Variants in TAF3 observed in about 807,000 individuals in gnomAD.
TAF3 encodes the protein transcription initiation factor TFIID subunit 3.
Under a neutral mutation model 80.6 loss-of-function variants are expected in TAF3, and 7 were observed. The ratio of observed to expected loss-of-function variants is 0.09; its 90% CI spans 0.05 to 0.16. TAF3 has a LOEUF of 0.16. Ranked by LOEUF, TAF3 falls within the 10% of genes least tolerant of loss-of-function variation. The pLI, the probability that TAF3 is intolerant of heterozygous loss-of-function variation, is 1.00. For missense variants in TAF3, 921 were observed against 1,140.2 expected (o/e 0.81, Z 2.77); for synonymous variants, 444 against 446.1 (o/e 1.00, Z 0.06).
chr10:7,842,180 T>G (rs1265782235), intron 2 of TAF3, among the ~76,000 whole-genome samples: 2 of 125,078 alleles, frequency 1.6e-5, no homozygotes, highest in Non-Finnish European at 3.4e-5. Context: ...TTTTTTGTTT[T>G]TTTTTTTTTT....
intron 2 of TAF3, among the ~76,000 whole-genome samples, chr10:7,887,257 G>GAAAT (rs1304963901): frequency 6.6e-6 from 1 of 150,638 alleles, no homozygotes; most frequent in Non-Finnish European, 1.5e-5. Context: ...AAGAAAGAAA[G>GAAAT]CTGGTTAAGG....
intron 2 of TAF3, among the ~76,000 whole-genome samples, chr10:7,879,849 A>G (rs1014212682): frequency 4.6e-5 from 7 of 152,230 alleles, no homozygotes; most frequent in Non-Finnish European, 4.4e-5. Context: ...GATTTTTAAC[A>G]TTCAGTATTC....
chr10:7,935,562 T>C (rs769857864), intron 2 of TAF3, among the ~76,000 whole-genome samples: 12 of 151,736 alleles, frequency 7.9e-5, no homozygotes, highest in South Asian at 2.1e-4. Flanking sequence ...CCAGCCTGAG[T>C]GACAGAGAGA....
At chr10:7,985,588 A>G (rs1335633912) in intron 4 of TAF3, among the ~76,000 whole-genome samples, 2 of 152,160 alleles carry the variant, frequency 1.3e-5, no homozygotes, top group Non-Finnish European at 2.9e-5. Flanking sequence ...TTTCTGCCCT[A>G]GAAACTTTTC....
At chr10:7,956,031 C>CT in intron 2 of TAF3, among the ~76,000 whole-genome samples, 1 of 152,200 alleles carries the variant, frequency 6.6e-6, no homozygotes, top group Admixed American at 6.5e-5. Context: ...ATGTCTACAA[C>CT]TTATTCTCAA....
chr10:7,889,432 G>A (rs1454078301), intron 2 of TAF3, among the ~76,000 whole-genome samples: 1 of 152,170 alleles, frequency 6.6e-6, no homozygotes, highest in Non-Finnish European at 1.5e-5. Context: ...ATTCACATCT[G>A]TCTGTTACAG....
chr10:7,979,914 T>A (rs566710908), intron 4 of TAF3, among the ~76,000 whole-genome samples: 1,660 of 152,250 alleles, frequency 0.011, 20 homozygotes, highest in Middle Eastern at 0.031. Context: ...AAGTTAAGAA[T>A]GTGTTTTATA....
Position 7,824,350 on chromosome 10 carries a change from G to C in TAF3, c.199G>C (p.Gly67Arg). ...AACAGACCCAATTTTGGATGATGTT[G>C]GTGAAGCTTTCCAGCTGATGGGGGT... ...GRTDPILDDV[G>R]EAFQLMGVSL... Residue 67 changes from glycine (G) to arginine (R), a missense_variant, in exon 2 of 7, where the codon GGT becomes CGT. Gly to Arg is a moderately radical substitution (Grantham distance 125). Transcript: ENST00000344293. The C allele has an allele frequency of 3.1e-6, 5 of 1,613,968 alleles. No homozygotes were observed. Among genetic ancestry groups the C allele is most frequent in the Non-Finnish European group, 4.2e-6 (5 of 1,179,898 alleles).
intron 2 of TAF3, among the ~76,000 whole-genome samples, chr10:7,949,882 G>A (rs1239868626): frequency 6.6e-6 from 1 of 152,210 alleles, no homozygotes; most frequent in Non-Finnish European, 1.5e-5. Context: ...CCATCGGCAG[G>A]CAGTGACTGC....
At chr10:7,833,008 A>G (rs942827056) in intron 2 of TAF3, among the ~76,000 whole-genome samples, 8 of 152,206 alleles carry the variant, frequency 5.3e-5, no homozygotes, top group African/African-American at 1.9e-4. Context: ...TAAAATGTTC[A>G]ATAAATTATT....
intron 4 of TAF3, among the ~76,000 whole-genome samples, chr10:7,993,396 C>T (rs1023216349): frequency 6.6e-6 from 1 of 152,164 alleles, no homozygotes; most frequent in Non-Finnish European, 1.5e-5. Context: ...CCAGGATGGT[C>T]TCAAACTCCT....
chr10:7,821,209 C>T (rs533790993), intron 1 of TAF3, among the ~76,000 whole-genome samples: 10 of 80,878 alleles, frequency 1.2e-4, no homozygotes, highest in African/African-American at 4.4e-4. Context: ...ATTATTCCCA[C>T]GTAATTTGGT....
Position 7,964,671 on chromosome 10 carries a change from T to A in TAF3, c.1161T>A (p.Ile387=). 6.2e-7 allele frequency: 1 copy of A among 1,614,158 alleles called. No homozygotes were observed. The highest frequency in any genetic ancestry group is 8.5e-7 in the Non-Finnish European group (1 of 1,180,024). The change falls in exon 3 of 7, where the codon ATT becomes ATA. Residue 387 remains isoleucine, a synonymous_variant. Coordinates refer to ENST00000344293, the MANE Select transcript of TAF3 (RefSeq NM_031923.4). The surrounding 1 kb of genome is among the most constrained non-coding windows in gnomAD (Gnocchi z 4.1). ...PKKAVVADKT[I]EASIDAVIAR... Reference sequence around the variant, plus strand: ...AGGCTGTGGTAGCAGATAAAACGATTGAGGCCTCTATCGATGCTGTGATTG... The same window carrying A: ...AGGCTGTGGTAGCAGATAAAACGATAGAGGCCTCTATCGATGCTGTGATTG...
rs1052470559 is a variant in TAF3 at position 8,014,906 on chromosome 10, G to C, written c.*155G>C. The C allele has an allele frequency of 3.3e-5, 21 of 633,362 alleles. No homozygotes were observed. 39.2% of individuals were successfully genotyped at this position (633,362 alleles called of 1,614,324 possible). ...TGAGGCTGGAACACACCGCGCACCTGGATTGTTCACTCCCGAGCCGCCTTG... is the reference window on the plus strand; with the variant it reads ...TGAGGCTGGAACACACCGCGCACCTCGATTGTTCACTCCCGAGCCGCCTTG... On this transcript the variant is annotated 3_prime_UTR_variant, in exon 7 of 7. Coordinates refer to ENST00000344293, the MANE Select transcript of TAF3 (RefSeq NM_031923.4).
intron 2 of TAF3, among the ~76,000 whole-genome samples, chr10:7,920,169 C>T (rs1349584419): frequency 6.6e-6 from 1 of 152,032 alleles, no homozygotes; most frequent in African/African-American, 2.4e-5. Context: ...GGGAGGATCT[C>T]TTGAGTGCAG....
chr10:7,820,850 A>G (rs1188752723), intron 1 of TAF3, among the ~76,000 whole-genome samples: 1 of 152,192 alleles, frequency 6.6e-6, no homozygotes, highest in East Asian at 1.9e-4. Context: ...TTTTATCTTG[A>G]AAGTACATCA....
chr10:7,922,377 G>A lies in TAF3; in HGVS notation c.410-41543G>A, dbSNP rs149823650. 1.8e-4 allele frequency among the ~76,000 whole-genome samples: 28 copies of A among 152,138 alleles called. 1 individual carries two copies. The highest frequency in any genetic ancestry group is 5.1e-4 in the African/African-American group (21 of 41,548). ...CTTGTGGGACTTTTCCATTGTGAAT[G>A]TTGTACTGTCTTAATCTCATTCCTC... On this transcript the variant is annotated intron_variant, in intron 2 of 6. Coordinates refer to ENST00000344293, the MANE Select transcript of TAF3 (RefSeq NM_031923.4).
intron 2 of TAF3, among the ~76,000 whole-genome samples, chr10:7,923,848 A>C (rs546417091): frequency 6.6e-6 from 1 of 152,354 alleles, no homozygotes; most frequent in East Asian, 1.9e-4. Context: ...ACAGAAAGCA[A>C]GGCAAGATAT....
intron 4 of TAF3, among the ~76,000 whole-genome samples, chr10:8,006,850 C>T (rs888126622): frequency 3.3e-5 from 5 of 152,232 alleles, no homozygotes; most frequent in African/African-American, 1.2e-4. Flanking sequence ...CGGCAGTTCC[C>T]ATCTGGATGC....
Sources: allele counts gnomAD v4.1 joint callset (sites outside exome capture counted in the v4.1 genomes callset), GRCh38; gene constraint gnomAD v4.1.1; non-coding constraint Gnocchi (gnomAD v3.1); transcripts MANE v1.5; gene names NCBI Gene and HGNC (gene_info 2026-07-23, HGNC 2026-07-21).